Variants in PIK3C2A observed in about 807,000 individuals in gnomAD.
PIK3C2A encodes phosphatidylinositol 4-phosphate 3-kinase C2 domain-containing subunit alpha.
PIK3C2A carries 97 observed loss-of-function variants against 204.5 expected under a neutral mutation model. The ratio of observed to expected loss-of-function variants is 0.47; its 90% CI spans 0.40 to 0.56. PIK3C2A has a LOEUF of 0.56. PIK3C2A is among the 20% of genes least tolerant of loss of function. PIK3C2A has a pLI of 0.00. For missense variants in PIK3C2A, 1,735 were observed against 1,969.2 expected, an observed-to-expected ratio of 0.88 and a Z score of 2.25; for synonymous variants, 653 against 664.4, an observed-to-expected ratio of 0.98 and a Z score of 0.26.
chr11:17,090,974 T>C (rs1157571967), intron 32 of PIK3C2A, among the ~76,000 whole-genome samples: 1 of 151,658 alleles, frequency 6.6e-6, no homozygotes, highest in Non-Finnish European at 1.5e-5. Flanking sequence ...CTCAAACTCC[T>C]GAGCTCAAGG....
intron 1 of PIK3C2A, among the ~76,000 whole-genome samples, chr11:17,193,052 A>G (rs1851996076): frequency 6.6e-6 from 1 of 152,232 alleles, no homozygotes; most frequent in Admixed American, 6.5e-5. Flanking sequence ...TGATTAAAAG[A>G]TGAGTTCAGC....
chr11:17,110,021 C>G (rs1476675415), intron 22 of PIK3C2A, among the ~76,000 whole-genome samples: 1 of 152,034 alleles, frequency 6.6e-6, no homozygotes, highest in African/African-American at 2.4e-5. Flanking sequence ...GATGCAATCT[C>G]GGCTCACTGC....
intron 20 of PIK3C2A, among the ~76,000 whole-genome samples, chr11:17,113,786 A>C (rs1440851223): frequency 1.3e-5 from 2 of 150,582 alleles, no homozygotes. Context: ...CATCTCAAAA[A>C]AAAAAAAAAA....
intron 2 of PIK3C2A, among the ~76,000 whole-genome samples, chr11:17,157,715 T>A (rs965144529): frequency 1.3e-5 from 2 of 152,196 alleles, no homozygotes; most frequent in Middle Eastern, 3.2e-3. Context: ...CGGGAAAGAT[T>A]ACGTCTGAAC....
intron 1 of PIK3C2A, among the ~76,000 whole-genome samples, chr11:17,178,754 G>A (rs569835805): frequency 7.6e-6 from 1 of 131,124 alleles, no homozygotes; most frequent in African/African-American, 3.0e-5. Flanking sequence ...ACGGAGTCTC[G>A]CTCTGTCGCC....
rs201270491 is a variant in PIK3C2A at position 17,101,259 on chromosome 11, G to A, written c.4008+19C>T. On this transcript the variant is annotated intron_variant, in intron 25 of 32. Transcript: ENST00000691414. Reference sequence around the variant, plus strand: ...TGCATTAATATAAAACTAATTAAGTGCTTATAAAGAATAGTTACCAGTGAA... The same window carrying A: ...TGCATTAATATAAAACTAATTAAGTACTTATAAAGAATAGTTACCAGTGAA... The A allele has an allele frequency of 2.5e-5, 34 of 1,372,920 alleles. No homozygotes were observed. The highest frequency in any genetic ancestry group is 3.0e-5 in the Non-Finnish European group (30 of 1,006,882). The allele number at this position is 1,372,920 out of a possible 1,614,324, so 85.0% of individuals were successfully genotyped here. A position where few individuals can be genotyped will look rare whatever the true frequency, so the allele number is the denominator to read the frequency against.
intron 13 of PIK3C2A, among the ~76,000 whole-genome samples, chr11:17,127,611 T>A (rs1849566280): frequency 6.6e-6 from 1 of 152,096 alleles, no homozygotes; most frequent in Non-Finnish European, 1.5e-5. Context: ...GCCCAGCCAA[T>A]AAATGTTATT....
At chr11:17,200,045 G>A (rs910629444) in intron 1 of PIK3C2A, among the ~76,000 whole-genome samples, 1 of 151,994 alleles carries the variant, frequency 6.6e-6, no homozygotes, top group Non-Finnish European at 1.5e-5. Context: ...AATTAGCTGG[G>A]CATAGTGGTG....
Position 17,097,123 on chromosome 11 carries a change from T to G in PIK3C2A, c.4260A>C (p.Gln1420His), listed in dbSNP as rs780346169. The change falls in exon 27 of 33, where the codon CAA becomes CAC. Residue 1420 changes from glutamine (Q) to histidine (H), a missense_variant. Gln to His is a conservative substitution (Grantham distance 24, BLOSUM62 0). This residue lies in a region of PIK3C2A where 503 missense variants were observed against 669.0 expected (regional missense o/e 0.75). Coordinates refer to ENST00000691414, the MANE Select transcript of PIK3C2A (RefSeq NM_002645.4). ...SFSPKTYSFR[Q>H]DGRIKEVSVF... is the part of the protein sequence containing the mutation. ...CAGAGACTTCCTTGATTCGACCATC[T>G]TGTCTAAAGGAGTATGTTTTAGGTG... 8 of 1,610,296 alleles carry G rather than the reference T, an allele frequency of 5.0e-6. No homozygotes were observed. The highest frequency in any genetic ancestry group is 5.9e-6 in the Non-Finnish European group (7 of 1,176,518).
chr11:17,182,436 G>A (rs866996056), intron 1 of PIK3C2A, among the ~76,000 whole-genome samples: 18 of 151,848 alleles, frequency 1.2e-4, no homozygotes, highest in Non-Finnish European at 1.5e-4. Context: ...GCATGGTGGC[G>A]CATGCCTGTA....
chr11:17,114,486 C>T, intron 19 of PIK3C2A, 21 bp from the exon 20 acceptor site: 1 of 1,017,328 alleles, frequency 9.8e-7, no homozygotes, highest in Non-Finnish European at 1.6e-6. Flanking sequence ...AGATGTGATA[C>T]TGTAAGTACA....
rs546830222 is a variant in PIK3C2A, at chr11:17,151,165, A to G, written c.1170-510T>C. Among the ~76,000 whole-genome samples the G allele has an allele frequency of 3.1e-3, 473 of 152,312 alleles. 4 individuals carry two copies. The highest frequency in any genetic ancestry group is 6.8e-3 in the Middle Eastern group (2 of 294). ...ATAGACAATGGTTTTTTACAGTGCT[A>G]CAAGGCCTTTCTTCCCTCAAAGTGA... On this transcript the variant is annotated intron_variant, in intron 3 of 32. Transcript: ENST00000691414.
chr11:17,118,281 T>A lies in PIK3C2A; in HGVS notation c.3035+364A>T, dbSNP rs565575922. Among the ~76,000 whole-genome samples, 15 of 151,494 alleles carry A rather than the reference T, an allele frequency of 9.9e-5. No individual in the cohort carries two copies. In the South Asian group the frequency reaches 3.1e-3, roughly 32 times the overall value. Reference sequence around the variant, plus strand: ...AGAGATGAGGTTTCACCATGATTGTTAGGCTGGTCTTAAACTCCTGAGATC... The same window carrying A: ...AGAGATGAGGTTTCACCATGATTGTAAGGCTGGTCTTAAACTCCTGAGATC... On this transcript the variant is annotated intron_variant, in intron 18 of 32. Coordinates refer to ENST00000691414, the MANE Select transcript of PIK3C2A (RefSeq NM_002645.4).
At chr11:17,147,653 C>T (rs1300335857) in intron 5 of PIK3C2A, 25 bp from the exon 6 acceptor site, 1 of 1,197,866 alleles carries the variant, frequency 8.3e-7, no homozygotes, top group Non-Finnish European at 1.2e-6. Flanking sequence ...TAATTATTCA[C>T]TATTCTATTC....
intron 1 of PIK3C2A, among the ~76,000 whole-genome samples, chr11:17,188,414 T>C (rs1207935594): frequency 6.8e-6 from 1 of 146,828 alleles, no homozygotes; most frequent in Non-Finnish European, 1.5e-5. Context: ...CAGAAAGTGA[T>C]AGCCCTTTAA....
chr11:17,135,067 A>T (rs1348117378), intron 10 of PIK3C2A, 38 bp from the exon 11 acceptor site: 1 of 1,612,302 alleles, frequency 6.2e-7, no homozygotes, highest in South Asian at 1.1e-5. Flanking sequence ...GATTCTCTGA[A>T]AAGGCGATGA....
At chr11:17,167,966 TG>T (rs1851024817) in intron 2 of PIK3C2A, among the ~76,000 whole-genome samples, 1 of 151,490 alleles carries the variant, frequency 6.6e-6, no homozygotes, top group Non-Finnish European at 1.5e-5. Flanking sequence ...CAAAACAAAA[TG>T]CGTGAGAATT....
rs1020031246 is a variant in PIK3C2A at position 17,146,035 on chromosome 11, C to G, written c.1561-93G>C. The G allele has an allele frequency of 1.8e-5, 15 of 825,610 alleles. No individual in the cohort carries two copies. The African/African-American group carries it at 2.6e-4, about 14-fold the overall frequency. 51.1% of individuals were successfully genotyped at this position (825,610 alleles called of 1,614,324 possible). On this transcript the variant is annotated intron_variant, in intron 6 of 32. Coordinates refer to ENST00000691414, the MANE Select transcript of PIK3C2A (RefSeq NM_002645.4). ...TAGTTAAGTGTATGATAAAATCTTG[C>G]AACTAAAGTGTTTTTCTGAGAACTG...
Position 17,128,613 on chromosome 11 carries a change from C to T in PIK3C2A, c.2399+687G>A, listed in dbSNP as rs183415441. Among the ~76,000 whole-genome samples, 29 of 152,260 alleles carry T rather than the reference C, an allele frequency of 1.9e-4. 1 individual carries two copies. The highest frequency in any genetic ancestry group is 1.3e-3 in the Admixed American group (20 of 15,286). On this transcript the variant is annotated intron_variant, in intron 13 of 32. Coordinates refer to ENST00000691414, the MANE Select transcript of PIK3C2A (RefSeq NM_002645.4). ...CCCATGTGCTGAATGTAACATATCC[C>T]GAACTTACCCAATTATTTTTCCTTT...
Sources: gnomAD v4.1 joint callset for allele counts (sites outside exome capture counted in the v4.1 genomes callset) on GRCh38, gnomAD v4.1.1 for gene constraint, gnomAD v4.1.1 regional missense constraint, MANE v1.5 for transcripts, NCBI Gene and HGNC (gene_info 2026-07-23, HGNC 2026-07-21) for gene names.